The following ELP4 variants were observed in gnomAD, a reference collection of about 807,000 sequenced individuals.
The protein encoded by ELP4 is elongator acetyltransferase complex subunit 4.
A neutral mutation model predicts 48.9 loss-of-function variants in ELP4; 51 were observed. That is an observed-to-expected ratio of 1.04 (90% CI 0.83 to 1.32). ELP4 has a LOEUF of 1.32. Ranked by LOEUF, ELP4 falls within the 40% of genes most tolerant of loss-of-function variation. The pLI is 0.00. For missense variants in ELP4, 519 were observed against 514.6 expected (o/e 1.01, Z -0.08); for synonymous variants, 210 against 189.2 (o/e 1.11, Z -0.90).
chr11:31,705,355 G>A (rs770837136), intron 9 of ELP4, among the ~76,000 whole-genome samples: 5 of 151,994 alleles, frequency 3.3e-5, no homozygotes, highest in Non-Finnish European at 2.9e-5. Context: ...CCTAATTACC[G>A]CCCAAAAGCC....
chr11:31,691,303 G>C (rs554123853), intron 9 of ELP4, among the ~76,000 whole-genome samples: 1 of 151,978 alleles, frequency 6.6e-6, no homozygotes, highest in South Asian at 2.1e-4. Flanking sequence ...ACACATTACT[G>C]TCAAGAAAAT....
In ELP4 at chr11:31,636,834, TTCTAAATATCTGTTA is replaced by T. The variant is rs1480824284; in HGVS notation, c.927+4430_927+4444del. 1.1e-4 allele frequency among the ~76,000 whole-genome samples: 16 copies of T among 152,104 alleles called. No individual in the cohort carries two copies. In the South Asian group the frequency reaches 3.3e-3, roughly 32 times the overall value. On this transcript the variant is annotated intron_variant, in intron 7 of 9. Coordinates refer to ENST00000640961, the MANE Select transcript of ELP4 (RefSeq NM_019040.5). The stretch of plus-strand genomic sequence containing the variant: ...TTTGGAACGAGTATATAAAAATAAA[TTCTAAATATCTGTTA>T]AGAAAACACGAAAATTGTTCAACAA...
intron 9 of ELP4, chr11:31,779,927 A>T (rs1467064094): frequency 1.3e-5 from 2 of 152,256 alleles, no homozygotes; most frequent in African/African-American, 4.8e-5. Context: ...AATCAAGTGG[A>T]AAAATTTCAG....
At chr11:31,670,316 T>C (rs999815038) in intron 9 of ELP4, among the ~76,000 whole-genome samples, 2 of 152,146 alleles carry the variant, frequency 1.3e-5, no homozygotes, top group African/African-American at 4.8e-5. Context: ...TTGATAACAC[T>C]GGATAGTAAT....
rs917273732 is a variant in ELP4, at chr11:31,789,709, C to T, written c.*6185C>T. 7 of 703,232 alleles carry T rather than the reference C, an allele frequency of 1.0e-5. No individual in the cohort carries two copies. The Admixed American group carries it at 1.4e-4, about 14-fold the overall frequency. The allele number at this position is 703,232 out of a possible 1,614,324, so 43.6% of individuals were successfully genotyped here. On this transcript the variant is annotated 3_prime_UTR_variant, in exon 10 of 10. Coordinates refer to ENST00000640961, the MANE Select transcript of ELP4 (RefSeq NM_019040.5). ...ACCAAAATGAATAAAAGTTTGGATA[C>T]CAAAATGAAGATTTGTTCCAACTGA... is the stretch of plus-strand genomic sequence containing the variant.
At chr11:31,521,861 A>G (rs1174069970) in intron 2 of ELP4, among the ~76,000 whole-genome samples, 1 of 152,196 alleles carries the variant, frequency 6.6e-6, no homozygotes, top group South Asian at 2.1e-4. Flanking sequence ...TACTTAAATT[A>G]TGCCATTTAA....
intron 3 of ELP4, among the ~76,000 whole-genome samples, chr11:31,575,420 A>C (rs948080066): frequency 1.3e-5 from 2 of 152,140 alleles, no homozygotes; most frequent in Admixed American, 6.6e-5. Flanking sequence ...CCAACATTCA[A>C]ATTCAGGAAA....
At chr11:31,633,435 A>C (rs1215325550) in intron 7 of ELP4, 2 of 151,984 alleles carry the variant, frequency 1.3e-5, no homozygotes, top group African/African-American at 4.8e-5. Flanking sequence ...ATTAAATTAA[A>C]TTTTAAAAGA....
rs996260012 is a variant in ELP4 at position 31,675,881 on chromosome 11, T to G, written c.1143+25660T>G. Reference sequence around the variant, plus strand: ...CATAATTTAAACAGTTTTTACCACCTCCAATGCTACCACTCAGTCTAAGCC... The same window carrying G: ...CATAATTTAAACAGTTTTTACCACCGCCAATGCTACCACTCAGTCTAAGCC... On this transcript the variant is annotated intron_variant, in intron 9 of 9. Transcript: ENST00000640961. Among the ~76,000 whole-genome samples, 41 of 152,140 alleles carry G rather than the reference T, an allele frequency of 2.7e-4. 1 individual carries two copies. Among genetic ancestry groups the G allele is most frequent in the African/African-American group, 9.2e-4 (38 of 41,430 alleles).
At position 31,789,911 on chromosome 11, in the gene ELP4, CCTTT is replaced by C; in HGVS notation, c.*6388_*6391del. On this transcript the variant is annotated 3_prime_UTR_variant, in exon 10 of 10. Transcript: ENST00000640961. ...ACTGAATTAACACAATATTTCCTTTCCTTTTTTTTTTTTTTTTTTTTTTTACTGT... is the reference window on the plus strand; with the variant it reads ...ACTGAATTAACACAATATTTCCTTTCTTTTTTTTTTTTTTTTTTTTACTGT... 2 of 1,272,746 alleles carry C rather than the reference CCTTT, an allele frequency of 1.6e-6. No homozygotes were observed. The highest frequency in any genetic ancestry group is 1.3e-5 in the South Asian group (1 of 74,958). The allele number at this position is 1,272,746 out of a possible 1,614,324, so 78.8% of individuals were successfully genotyped here.
intron 2 of ELP4, among the ~76,000 whole-genome samples, chr11:31,522,096 T>C (rs1467269140): frequency 6.6e-6 from 1 of 152,172 alleles, no homozygotes; most frequent in African/African-American, 2.4e-5. Flanking sequence ...CCATGAGTCA[T>C]TAAAGTACTG....
intron 2 of ELP4, among the ~76,000 whole-genome samples, chr11:31,531,875 G>C (rs986546523): frequency 1.3e-5 from 2 of 152,138 alleles, no homozygotes; most frequent in African/African-American, 4.8e-5. Flanking sequence ...CTGATAGTGA[G>C]AGGTAAGGAT....
In ELP4 at chr11:31,603,837, AT is replaced by A; in HGVS notation, c.585del (p.Ile195MetfsTer21). 1 of 1,611,378 alleles carries A rather than the reference AT, an allele frequency of 6.2e-7. No homozygotes were observed. The highest frequency in any genetic ancestry group is 8.5e-7 in the Non-Finnish European group (1 of 1,178,144). On this transcript the variant is annotated frameshift_variant, in exon 5 of 10. Transcript: ENST00000640961. LOFTEE classifies it high-confidence loss of function. ...DASKRMPQELIEASNWHGFFL... is the reference protein window; with the variant it reads ...DASKRMPQELXEASNWHGFFL... ...ATCAAAAAGAATGCCACAAGAACTA[AT>A]TGAGGCTTCAAATTGGCATGGATTT...
At chr11:31,526,920 T>G (rs1411370304) in intron 2 of ELP4, among the ~76,000 whole-genome samples, 1 of 152,058 alleles carries the variant, frequency 6.6e-6, no homozygotes, top group African/African-American at 2.4e-5. Context: ...TTCTCCACTA[T>G]TGCTTTTTCT....
At chr11:31,638,583 C>T (rs1358107475) in intron 7 of ELP4, among the ~76,000 whole-genome samples, 5 of 151,702 alleles carry the variant, frequency 3.3e-5, no homozygotes, top group African/African-American at 1.2e-4. Context: ...AAATATGTCT[C>T]TTGAAAAATG....
Position 31,787,127 on chromosome 11 carries a change from C to G in ELP4, c.*3603C>G, listed in dbSNP as rs547876359. On this transcript the variant is annotated 3_prime_UTR_variant, in exon 10 of 10. Coordinates refer to ENST00000640961, the MANE Select transcript of ELP4 (RefSeq NM_019040.5). Reference sequence around the variant, plus strand: ...GCTGTCCCCAAGAGAGTGCCTGGAGCTCTGTTTGGAAGGACAGCTCATGTC... The same window carrying G: ...GCTGTCCCCAAGAGAGTGCCTGGAGGTCTGTTTGGAAGGACAGCTCATGTC... 4.3e-6 allele frequency: 1 copy of G among 232,358 alleles called. No homozygotes were observed. Among genetic ancestry groups the G allele is most frequent in the East Asian group, 6.1e-5 (1 of 16,506 alleles). The allele number at this position is 232,358 out of a possible 1,614,324, so 14.4% of individuals were successfully genotyped here. A position where few individuals can be genotyped will look rare whatever the true frequency, so the allele number is the denominator to read the frequency against.
chr11:31,607,021 G>C (rs143893136), intron 5 of ELP4, among the ~76,000 whole-genome samples: 1 of 152,060 alleles, frequency 6.6e-6, no homozygotes, highest in Non-Finnish European at 1.5e-5. Context: ...GATAAGATTC[G>C]TATCTTTATA....
intron 3 of ELP4, chr11:31,541,508 A>G (rs1956590501): frequency 6.6e-6 from 1 of 152,254 alleles, no homozygotes; most frequent in Non-Finnish European, 1.5e-5. Context: ...TTCATGACAT[A>G]TTCCACAATA....
intron 7 of ELP4, among the ~76,000 whole-genome samples, chr11:31,639,919 A>G (rs960670608): frequency 5.9e-5 from 9 of 151,970 alleles, no homozygotes; most frequent in African/African-American, 2.2e-4. Flanking sequence ...GTTATTAGCT[A>G]AAGGGCTATT....
Sources: gnomAD v4.1 joint callset for allele counts (sites outside exome capture counted in the v4.1 genomes callset) on GRCh38, gnomAD v4.1.1 for gene constraint, MANE v1.5 for transcripts, NCBI Gene and HGNC (gene_info 2026-07-23, HGNC 2026-07-21) for gene names.